PCDHGB2: variants seen among roughly 807,000 people sequenced by gnomAD.
The protein encoded by PCDHGB2 is protocadherin gamma subfamily B, 2.
A neutral mutation model predicts 59.3 loss-of-function variants in PCDHGB2; 55 were observed. That is an observed-to-expected ratio of 0.93 (90% CI 0.75 to 1.16). PCDHGB2 has a LOEUF of 1.16. Ranked by LOEUF, PCDHGB2 falls within the 50% of genes most tolerant of loss-of-function variation. PCDHGB2 has a pLI of 0.00. For synonymous variants in PCDHGB2, 516 were observed against 512.0 expected (o/e 1.01, Z -0.11); for missense variants, 1,228 against 1,198.5 (o/e 1.02, Z -0.36).
chr5:141,415,443 C>T, intron 1 of PCDHGB2: 1 of 1,614,196 alleles, frequency 6.2e-7, no homozygotes, highest in Non-Finnish European at 8.5e-7. Context: ...TCCTGCAGAC[C>T]TATTCCCACG....
chr5:141,366,139 G>GCTGT, intron 1 of PCDHGB2: 1 of 1,614,184 alleles, frequency 6.2e-7, no homozygotes, highest in East Asian at 2.2e-5. Context: ...AGAACGCCTG[G>GCTGT]CTGTCCTACC....
rs2099611311 is a variant in PCDHGB2 at position 141,485,311 on chromosome 5, G to A, written c.2422-9496G>A. 3.1e-6 allele frequency: 5 copies of A among 1,614,174 alleles called. No individual in the cohort carries two copies. The East Asian group carries it at 6.7e-5, about 22-fold the overall frequency. ...AGTCACAGGAAGGGACTTTTGTAGGGAATGTCGCTCAAGATTTCCTGCTGG... is the reference window on the plus strand; with the variant it reads ...AGTCACAGGAAGGGACTTTTGTAGGAAATGTCGCTCAAGATTTCCTGCTGG... On this transcript the variant is annotated intron_variant, in intron 1 of 3. Transcript: ENST00000522605. The surrounding 1 kb of genome is among the most constrained non-coding windows in gnomAD (Gnocchi z 5.7).
At chr5:141,383,396 C>G (rs749879106) in intron 1 of PCDHGB2, 3 of 1,614,028 alleles carry the variant, frequency 1.9e-6, no homozygotes, top group Non-Finnish European at 2.5e-6. Context: ...GGCACGAACT[C>G]CCTCCAGAGT....
chr5:141,366,736 A>G (rs1165089619), intron 1 of PCDHGB2: 6 of 1,612,430 alleles, frequency 3.7e-6, no homozygotes, highest in Admixed American at 1.7e-5. Context: ...CAAACAAAGA[A>G]GAACGGCGAG....
At chr5:141,457,647 T>C (rs929739178) in intron 1 of PCDHGB2, among the ~76,000 whole-genome samples, 6 of 152,256 alleles carry the variant, frequency 3.9e-5, no homozygotes, top group Non-Finnish European at 8.8e-5. Context: ...ATTATTTGCA[T>C]GAAGTGCAGC....
intron 1 of PCDHGB2, chr5:141,426,585 T>C (rs2096944493): frequency 2.8e-6 from 1 of 358,848 alleles, no homozygotes; most frequent in African/African-American, 2.1e-5. Flanking sequence ...CAAAATCCTC[T>C]GTGTCATACC....
At chr5:141,413,177 T>G (rs2095610843) in intron 1 of PCDHGB2, 4 of 1,602,350 alleles carry the variant, frequency 2.5e-6, no homozygotes, top group Non-Finnish European at 3.4e-6. Flanking sequence ...CAGACTACAA[T>G]GGCCGCTCAA....
chr5:141,397,200 G>A (rs2093487150), intron 1 of PCDHGB2, among the ~76,000 whole-genome samples: 1 of 152,154 alleles, frequency 6.6e-6, no homozygotes, highest in Non-Finnish European at 1.5e-5. Context: ...TAAAAGATAT[G>A]ACATAAGAGA....
rs1375291090 is a variant in PCDHGB2, at chr5:141,392,672, T to A, written c.2421+30116T>A. 5.7e-6 allele frequency: 5 copies of A among 880,364 alleles called. No homozygotes were observed. In the Admixed American group the frequency reaches 1.3e-4, roughly 22 times the overall value. 54.5% of individuals were successfully genotyped at this position (880,364 alleles called of 1,614,324 possible). A position where few individuals can be genotyped will look rare whatever the true frequency, so the allele number is the denominator to read the frequency against. Reference sequence around the variant, plus strand: ...CCCGCAGATGCCACAAACTAACTGCTGGACTGCAGCGAAACCCGACCCCTG... The same window carrying A: ...CCCGCAGATGCCACAAACTAACTGCAGGACTGCAGCGAAACCCGACCCCTG... On this transcript the variant is annotated intron_variant, in intron 1 of 3. Transcript: ENST00000522605.
At chr5:141,384,945 C>T in intron 1 of PCDHGB2, 2 of 1,614,120 alleles carry the variant, frequency 1.2e-6, no homozygotes, top group Non-Finnish European at 1.7e-6. Context: ...AGCCCTCCGA[C>T]GGTCCTTACA....
chr5:141,477,854 C>T lies in PCDHGB2; in HGVS notation c.2422-16953C>T. Reference sequence around the variant, plus strand: ...GCCAGGTGGGAGCTCGGTGGAGATGCTGCCTCGAGGTACCTCAGCTGGCCA... The same window carrying T: ...GCCAGGTGGGAGCTCGGTGGAGATGTTGCCTCGAGGTACCTCAGCTGGCCA... On this transcript the variant is annotated intron_variant, in intron 1 of 3. Transcript: ENST00000522605. This position sits in a 1 kb window ranked among gnomAD's most constrained non-coding sequence, Gnocchi z 4.9. 1.9e-6 allele frequency: 3 copies of T among 1,614,098 alleles called. No individual in the cohort carries two copies. The South Asian group carries it at 3.3e-5, about 18-fold the overall frequency.
chr5:141,393,622 A>C (rs776047060), intron 1 of PCDHGB2: 1 of 1,613,960 alleles, frequency 6.2e-7, no homozygotes, highest in Admixed American at 1.7e-5. Context: ...AGCGACCCGG[A>C]TGAGGGAATC....
At chr5:141,395,508 A>G (rs1313015738) in intron 1 of PCDHGB2, 3 of 461,062 alleles carry the variant, frequency 6.5e-6, no homozygotes, top group Non-Finnish European at 1.1e-5. Flanking sequence ...CTTAAGAAGT[A>G]GCTACCCGTC....
intron 1 of PCDHGB2, among the ~76,000 whole-genome samples, chr5:141,446,430 T>A (rs1468987045): frequency 6.6e-6 from 1 of 152,058 alleles, no homozygotes; most frequent in Non-Finnish European, 1.5e-5. Flanking sequence ...ATTTGAAGGA[T>A]CTGAGAAACA....
chr5:141,454,385 T>C (rs1168439343), intron 1 of PCDHGB2, among the ~76,000 whole-genome samples: 5 of 152,194 alleles, frequency 3.3e-5, no homozygotes, highest in Non-Finnish European at 7.4e-5. Flanking sequence ...CTTGTCAAGA[T>C]GAAGAAAAGG....
chr5:141,404,840 C>G lies in PCDHGB2; in HGVS notation c.2421+42284C>G, dbSNP rs377389968. ...GCACACAGGTGAAGTGCGCACAGCT[C>G]GGGCCCTGCTAGATAGAGATGCGCT... is the stretch of plus-strand genomic sequence containing the variant. On this transcript the variant is annotated intron_variant, in intron 1 of 3. Transcript: ENST00000522605. 4 of 1,613,698 alleles carry G rather than the reference C, an allele frequency of 2.5e-6. No individual in the cohort carries two copies. In the Admixed American group the frequency reaches 5.0e-5, roughly 20 times the overall value.
At chr5:141,389,512 A>T in intron 1 of PCDHGB2, 1 of 1,613,138 alleles carries the variant, frequency 6.2e-7, no homozygotes, top group Non-Finnish European at 8.5e-7. Context: ...CTCAGCGCGA[A>T]CGTGAGCCTG....
At chr5:141,421,531 T>G (rs1318944446) in intron 1 of PCDHGB2, 1 of 1,613,904 alleles carries the variant, frequency 6.2e-7, no homozygotes, top group Non-Finnish European at 8.5e-7. Flanking sequence ...GACGGTGTCC[T>G]CCTGTTTTTT....
chr5:141,491,014 G>A lies in PCDHGB2; in HGVS notation c.2422-3793G>A, dbSNP rs761902295. On this transcript the variant is annotated intron_variant, in intron 1 of 3. Transcript: ENST00000522605. This position sits in a 1 kb window ranked among gnomAD's most constrained non-coding sequence, Gnocchi z 6.9. ...TCCTCCTGGCTCCTTGGTCACCAAG[G>A]TGACAGCCGTGGATGCTGATGCAGG... 6 of 1,614,134 alleles carry A rather than the reference G, an allele frequency of 3.7e-6. No individual in the cohort carries two copies. Among genetic ancestry groups the A allele is most frequent in the Non-Finnish European group, 4.2e-6 (5 of 1,180,044 alleles).
Sources: gnomAD v4.1 joint callset for allele counts (sites outside exome capture counted in the v4.1 genomes callset) on GRCh38, gnomAD v4.1.1 for gene constraint, Gnocchi (gnomAD v3.1) non-coding constraint, MANE v1.5 for transcripts, NCBI Gene and HGNC (gene_info 2026-07-23, HGNC 2026-07-21) for gene names.